The following TDO2 variants were observed in gnomAD, a reference collection of about 807,000 sequenced individuals.
The protein encoded by TDO2 is tryptophan 2,3-dioxygenase.
In TDO2, 63 loss-of-function variants were observed where a neutral mutation model predicts 61.2. That is an observed-to-expected ratio of 1.03 (90% CI 0.84 to 1.27). The LOEUF is 1.27. Among genes scored for constraint, TDO2 ranks in the 50% most tolerant of loss-of-function variants. The probability of loss-of-function intolerance (pLI) is 0.00; values close to 1 mark genes in which losing one functional copy is unlikely to be tolerated. For missense variants in TDO2, 494 were observed against 469.5 expected (o/e 1.05, Z -0.48); for synonymous variants, 183 against 164.0 (o/e 1.12, Z -0.89).
At position 155,904,036 on chromosome 4, in the gene TDO2, C is replaced by G. The variant is rs979088212; in HGVS notation, c.54C>G (p.Leu18=). Residue 18 remains leucine, a synonymous_variant, in exon 2 of 12, where the codon CTC becomes CTG. Transcript: ENST00000536354. The part of the protein sequence containing the change: ...GNNFGYTFKK[L]PVEGSEEDKS... Reference sequence around the variant, plus strand: ...TTTGCAGATATACTTTTAAAAAACTCCCCGTAGAAGGCAGCGAAGAAGACA... The same window carrying G: ...TTTGCAGATATACTTTTAAAAAACTGCCCGTAGAAGGCAGCGAAGAAGACA... The G allele has an allele frequency of 1.2e-6, 2 of 1,613,772 alleles. No individual in the cohort carries two copies. Among genetic ancestry groups the G allele is most frequent in the African/African-American group, 1.3e-5 (1 of 74,878 alleles).
At chr4:155,908,267 G>A (rs1315112890) in intron 4 of TDO2, among the ~76,000 whole-genome samples, 1 of 152,144 alleles carries the variant, frequency 6.6e-6, no homozygotes, top group Non-Finnish European at 1.5e-5. Context: ...AAAAGGACAG[G>A]AGGACAAAGA....
intron 5 of TDO2, among the ~76,000 whole-genome samples, chr4:155,909,745 A>G (rs1234124742): frequency 2.0e-5 from 3 of 151,836 alleles, no homozygotes; most frequent in Non-Finnish European, 4.4e-5. Context: ...TGCTCTTGAT[A>G]TCCAAGAGTA....
intron 7 of TDO2, 143 bp from the exon 8 acceptor site, chr4:155,914,180 A>G (rs1161145866): frequency 1.7e-6 from 1 of 584,158 alleles, no homozygotes; most frequent in African/African-American, 2.0e-5. Flanking sequence ...CATAATTTCC[A>G]AATAGTAATA....
chr4:155,919,760 GAAAT>G (rs1743009632), intron 11 of TDO2, 73 bp from the exon 12 acceptor site: 3 of 1,277,728 alleles, frequency 2.3e-6, no homozygotes, highest in Non-Finnish European at 3.2e-6. Flanking sequence ...AAATATCTGA[GAAAT>G]AAATTTTCTA....
At chr4:155,910,674 C>T (rs1247484782) in intron 6 of TDO2, among the ~76,000 whole-genome samples, 1 of 152,080 alleles carries the variant, frequency 6.6e-6, no homozygotes, top group Non-Finnish European at 1.5e-5. Context: ...CCCTAAAGGT[C>T]TGTAAGTAGC....
At chr4:155,915,689 G>C (rs1008517654) in intron 8 of TDO2, among the ~76,000 whole-genome samples, 166 bp from the exon 9 acceptor site, 1 of 152,088 alleles carries the variant, frequency 6.6e-6, no homozygotes, top group Non-Finnish European at 1.5e-5. Flanking sequence ...TGTATTTTAA[G>C]TGATATGTTT....
At chr4:155,915,280 C>T (rs992473175) in intron 8 of TDO2, among the ~76,000 whole-genome samples, 1 of 151,982 alleles carries the variant, frequency 6.6e-6, no homozygotes, top group South Asian at 2.1e-4. Flanking sequence ...CATAGCAATA[C>T]GTGAAATTGG....
intron 2 of TDO2, among the ~76,000 whole-genome samples, chr4:155,904,431 C>A (rs949248340): frequency 2.0e-5 from 3 of 152,100 alleles, no homozygotes; most frequent in Non-Finnish European, 4.4e-5. Context: ...ATAGATAAGA[C>A]ATGGTTAATA....
chr4:155,920,082 G>A lies in TDO2; in HGVS notation c.*92G>A, dbSNP rs2110889839. The A allele has an allele frequency of 4.0e-5, 47 of 1,171,472 alleles. No individual in the cohort carries two copies. The highest frequency in any genetic ancestry group is 5.1e-5 in the Non-Finnish European group (41 of 805,790). The allele number at this position is 1,171,472 out of a possible 1,614,324, so 72.6% of individuals were successfully genotyped here. On this transcript the variant is annotated 3_prime_UTR_variant, in exon 12 of 12. Coordinates refer to ENST00000536354, the MANE Select transcript of TDO2 (RefSeq NM_005651.4). ...ATAAATACAGTTTGAATATATGTAT[G>A]CATATATTGTTCAGCACCACGATGC...
intron 11 of TDO2, among the ~76,000 whole-genome samples, chr4:155,919,351 A>C (rs184809497): frequency 6.6e-6 from 1 of 152,342 alleles, no homozygotes; most frequent in Non-Finnish European, 1.5e-5. Context: ...CACAAAAGCA[A>C]TTTTAGTGTT....
Position 155,904,003 on chromosome 4 carries a change from T to G in TDO2, c.36-15T>G, listed in dbSNP as rs1229471300. On this transcript the variant is annotated splice_polypyrimidine_tract_variant and intron_variant, in intron 1 of 11. Coordinates refer to ENST00000536354, the MANE Select transcript of TDO2 (RefSeq NM_005651.4). ...TAAAGCACTATTTTTCCCTCTTGAT[T>G]TATTAAATTTGCAGATATACTTTTA... 8 of 1,607,364 alleles carry G rather than the reference T, an allele frequency of 5.0e-6. No homozygotes were observed. Among genetic ancestry groups the G allele is most frequent in the Middle Eastern group, 1.7e-4 (1 of 6,038 alleles).
Position 155,918,184 on chromosome 4 carries a change from A to C in TDO2, c.1012A>C (p.Ser338Arg), listed in dbSNP as rs1268796041. ...HVCMVHRMLGSKAGTGGSSGY... is the reference protein window; with the variant it reads ...HVCMVHRMLGRKAGTGGSSGY... ...GTGCATGGTGCACAGAATGCTGGGC[A>C]GCAAAGCTGGCACCGGTGGTTCCTC... Residue 338 changes from serine (S) to arginine (R), a missense_variant, in exon 11 of 12, where the codon AGC becomes CGC. Physicochemically the swap from Ser to Arg is moderately radical, Grantham distance 110 (BLOSUM62 -1). Transcript: ENST00000536354. 1.2e-6 allele frequency: 2 copies of C among 1,614,120 alleles called. No individual in the cohort carries two copies. The highest frequency in any genetic ancestry group is 1.7e-6 in the Non-Finnish European group (2 of 1,179,962).
At chr4:155,907,649 A>G (rs1742741405) in intron 3 of TDO2, 73 bp from the exon 4 acceptor site, 1 of 920,664 alleles carries the variant, frequency 1.1e-6, no homozygotes, top group Admixed American at 2.2e-5. Flanking sequence ...AACATGTTAA[A>G]CATATCTTTC....
intron 11 of TDO2, 124 bp downstream of exon 11, chr4:155,918,363 T>G (rs1742983281): frequency 1.4e-6 from 1 of 738,578 alleles, no homozygotes; most frequent in Admixed American, 2.7e-5. Context: ...AACAACACGT[T>G]TGTAGTTAGA....
At chr4:155,909,575 G>A (rs1017109180) in intron 5 of TDO2, among the ~76,000 whole-genome samples, 3 of 152,194 alleles carry the variant, frequency 2.0e-5, no homozygotes, top group African/African-American at 7.2e-5. Flanking sequence ...AATTTAAAAC[G>A]TTAAAGTCTT....
chr4:155,910,138 A>T lies in TDO2; in HGVS notation c.545A>T (p.Asp182Val). 1 of 1,599,408 alleles carries T rather than the reference A, an allele frequency of 6.3e-7. No individual in the cohort carries two copies. Among genetic ancestry groups the T allele is most frequent in the Non-Finnish European group, 8.5e-7 (1 of 1,175,182 alleles). Reference sequence around the variant, plus strand: ...CCTTATAACAGAAGACATTATCGTGATAACTTCAAAGGAGAAGAAAATGAA... The same window carrying T: ...CCTTATAACAGAAGACATTATCGTGTTAACTTCAAAGGAGAAGAAAATGAA... The part of the protein sequence containing the change: ...RVPYNRRHYR[D>V]NFKGEENELL... The change falls in exon 6 of 12, where the codon GAT (aspartate) becomes GTT (valine). Residue 182 changes from aspartate to valine, a missense_variant. Asp to Val is a radical substitution (Grantham distance 152). Transcript: ENST00000536354.
At chr4:155,904,930 T>C (rs1320072935) in intron 2 of TDO2, 137 bp from the exon 3 acceptor site, 4 of 593,666 alleles carry the variant, frequency 6.7e-6, no homozygotes, top group Non-Finnish European at 8.9e-6. Context: ...TCGTCCATTG[T>C]TTAAAAGAAA....
In TDO2 at chr4:155,903,797, A is replaced by C; in HGVS notation, c.35+4A>C. 6.2e-7 allele frequency: 1 copy of C among 1,614,104 alleles called. No individual in the cohort carries two copies. The highest frequency in any genetic ancestry group is 8.5e-7 in the Non-Finnish European group (1 of 1,180,002). ...CATTTTTAGGAAACAACTTTGGGTG[A>C]GTATTTACCTTTATTCTAAGTGGGT... On this transcript the variant is annotated splice_donor_region_variant and intron_variant, in intron 1 of 11. Transcript: ENST00000536354.
intron 7 of TDO2, among the ~76,000 whole-genome samples, chr4:155,913,180 T>A (rs747088417): frequency 4.6e-5 from 7 of 152,154 alleles, no homozygotes; most frequent in Non-Finnish European, 1.0e-4. Context: ...GCAGTCTGAA[T>A]AATCTTTTCA....
Sources: gnomAD v4.1 joint callset for allele counts (sites outside exome capture counted in the v4.1 genomes callset) on GRCh38, gnomAD v4.1.1 for gene constraint, MANE v1.5 for transcripts, NCBI Gene and HGNC (gene_info 2026-07-23, HGNC 2026-07-21) for gene names.